Variants in ACSS2 observed in about 807,000 individuals in gnomAD.
The protein encoded by ACSS2 is acyl-CoA synthetase short chain family member 2, also known as acetyl-coenzyme A synthetase, cytoplasmic.
ACSS2 carries 58 observed loss-of-function variants against 90.6 expected under a neutral mutation model. The observed-to-expected ratio is 0.64, with a 90% CI of 0.52 to 0.80. ACSS2 has a LOEUF of 0.80. ACSS2 is among the 30% of genes least tolerant of loss of function. The pLI is 0.00. For missense variants in ACSS2, 759 were observed against 912.0 expected, an observed-to-expected ratio of 0.83 and a Z score of 2.16; for synonymous variants, 300 against 330.9, an observed-to-expected ratio of 0.91 and a Z score of 1.01.
intron 2 of ACSS2, among the ~76,000 whole-genome samples, chr20:34,891,509 T>C (rs2080335212): frequency 1.3e-5 from 2 of 152,204 alleles, no homozygotes; most frequent in Admixed American, 1.3e-4. Context: ...TTATTTTCTA[T>C]AATGATGTTG....
chr20:34,896,704 A>G (rs906019024), intron 2 of ACSS2, among the ~76,000 whole-genome samples: 2 of 152,244 alleles, frequency 1.3e-5, no homozygotes, highest in South Asian at 2.1e-4. Context: ...AGATGTCTAC[A>G]TAGGACTCTA....
chr20:34,919,184 C>T (rs1425083984), intron 7 of ACSS2, among the ~76,000 whole-genome samples: 2 of 152,112 alleles, frequency 1.3e-5, no homozygotes, highest in African/African-American at 4.8e-5. Flanking sequence ...CCAAGGGTTC[C>T]TCCTCAGCCT....
rs1412431248 is a variant in ACSS2 at position 34,920,553 on chromosome 20, A to G, written c.987A>G (p.Thr329=). 2 of 1,614,016 alleles carry G rather than the reference A, an allele frequency of 1.2e-6. No individual in the cohort carries two copies. The highest frequency in any genetic ancestry group is 2.7e-5 in the African/African-American group (2 of 75,068). The stretch of plus-strand genomic sequence containing the variant: ...TCTTCCCACAGGGTGTGGTTCACAC[A>G]GTTGGGGGCTACATGCTCTATGTAG... The part of the protein sequence containing the change: ...STGKPKGVVH[T]VGGYMLYVAT... The change falls in exon 9 of 18, where the codon ACA becomes ACG. Residue 329 remains threonine (T), a synonymous_variant. Coordinates refer to ENST00000360596, the MANE Select transcript of ACSS2 (RefSeq NM_018677.4).
chr20:34,883,869 A>G (rs778135329), intron 2 of ACSS2, among the ~76,000 whole-genome samples: 1 of 152,216 alleles, frequency 6.6e-6, no homozygotes, highest in Admixed American at 6.5e-5. Context: ...TAGAAATTCC[A>G]ATAATTGGGG....
chr20:34,876,688 CG>C lies in ACSS2; in HGVS notation c.47del (p.Gly16AlafsTer71). ...EERVRSGSGSRGQEEAGAGGR... is the reference protein window; with the variant it reads ...EERVRSGSGSXGQEEAGAGGR... ...GCGGGTCCGGAGCGGCAGCGGGAGC[CG>C]GGGCCAGGAGGAAGCTGGAGCCGGA... On this transcript the variant is annotated frameshift_variant, in exon 1 of 18. Transcript: ENST00000360596. LOFTEE classifies it high-confidence loss of function. 3 of 1,421,640 alleles carry C rather than the reference CG, an allele frequency of 2.1e-6. No homozygotes were observed. The highest frequency in any genetic ancestry group is 2.5e-4 in the Middle Eastern group (1 of 3,962). The allele number at this position is 1,421,640 out of a possible 1,614,324, so 88.1% of individuals were successfully genotyped here. A position where few individuals can be genotyped will look rare whatever the true frequency, so the allele number is the denominator to read the frequency against.
chr20:34,882,666 A>T, intron 1 of ACSS2, 128 bp from the exon 2 acceptor site: 1 of 769,332 alleles, frequency 1.3e-6, no homozygotes, highest in East Asian at 2.8e-5. Context: ...CAGGTAAAGA[A>T]GGGACCCAGG....
chr20:34,903,008 C>G (rs984461662), intron 2 of ACSS2, among the ~76,000 whole-genome samples: 17 of 150,504 alleles, frequency 1.1e-4, no homozygotes, highest in Non-Finnish European at 2.1e-4. Context: ...GCTGGGATTA[C>G]AGGCATGAGC....
At chr20:34,909,336 C>T (rs761722796) in intron 2 of ACSS2, among the ~76,000 whole-genome samples, 2 of 151,974 alleles carry the variant, frequency 1.3e-5, no homozygotes, top group Non-Finnish European at 2.9e-5. Flanking sequence ...CCACTGCACC[C>T]CAGCCTGAGT....
chr20:34,886,902 T>A (rs2080208233), intron 2 of ACSS2, among the ~76,000 whole-genome samples: 2 of 152,226 alleles, frequency 1.3e-5, no homozygotes, highest in Admixed American at 1.3e-4. Context: ...ACAGCTATGG[T>A]GGCATTAACA....
chr20:34,922,101 A>C, intron 13 of ACSS2: 7 of 998,136 alleles, frequency 7.0e-6, no homozygotes, highest in Non-Finnish European at 9.1e-6. Flanking sequence ...CAGATTCCTG[A>C]TGGTACCTTT....
chr20:34,912,318 C>G (rs909803417), intron 2 of ACSS2: 1 of 152,264 alleles, frequency 6.6e-6, no homozygotes, highest in African/African-American at 2.4e-5. Context: ...TGGAAACTCA[C>G]TCTGTCATCC....
In ACSS2 at chr20:34,884,359, G is replaced by A. The variant is rs2080138405; in HGVS notation, c.374+1370G>A. Reference sequence around the variant, plus strand: ...CTTTGCCCAGTTTGTGTGATATATTGAGAAGAGCCTTAACCTGAGAGACAA... The same window carrying A: ...CTTTGCCCAGTTTGTGTGATATATTAAGAAGAGCCTTAACCTGAGAGACAA... On this transcript the variant is annotated intron_variant, in intron 2 of 17. Transcript: ENST00000360596. 1.3e-5 allele frequency among the ~76,000 whole-genome samples: 2 copies of A among 152,202 alleles called. 1 individual carries two copies. Among genetic ancestry groups the A allele is most frequent in the South Asian group, 4.1e-4 (2 of 4,832 alleles).
chr20:34,898,605 G>T (rs2080530862), intron 2 of ACSS2, among the ~76,000 whole-genome samples: 3 of 152,214 alleles, frequency 2.0e-5, no homozygotes, highest in Non-Finnish European at 2.9e-5. Context: ...AGAGTAGCTA[G>T]ATACAGAGTG....
intron 1 of ACSS2, among the ~76,000 whole-genome samples, chr20:34,878,212 T>G (rs2146955362): frequency 6.6e-6 from 1 of 152,284 alleles, no homozygotes; most frequent in East Asian, 1.9e-4. Context: ...TGTGATTACA[T>G]GTGCATGAGC....
At chr20:34,876,490 C>T (rs1341506923), upstream of ACSS2, 6 of 824,872 alleles carry the variant, frequency 7.3e-6, no homozygotes, top group Non-Finnish European at 9.9e-6. Context: ...CACGGCCCCG[C>T]CCCCTCTGGC....
At chr20:34,898,499 G>A (rs1568975833) in intron 2 of ACSS2, among the ~76,000 whole-genome samples, 1 of 151,836 alleles carries the variant, frequency 6.6e-6, no homozygotes, top group African/African-American at 2.4e-5. Flanking sequence ...ACAGGGTGCT[G>A]ATTGGTGTGT....
chr20:34,889,690 T>C (rs1190888885), intron 2 of ACSS2, among the ~76,000 whole-genome samples: 2 of 152,208 alleles, frequency 1.3e-5, no homozygotes, highest in African/African-American at 4.8e-5. Context: ...ATTGTAGAAA[T>C]CCAGGTGATA....
At position 34,876,675 on chromosome 20, in the gene ACSS2, C is replaced by G. The variant is rs1388854975; in HGVS notation, c.30C>G (p.Ser10Arg). Residue 10 changes from serine (S) to arginine (R), a missense_variant, in exon 1 of 18, where the codon AGC becomes AGG. Coordinates refer to ENST00000360596, the MANE Select transcript of ACSS2 (RefSeq NM_018677.4). The part of the protein sequence containing the change: MGLPEERVR[S>R]GSGSRGQEEA... ...GGCTTCCTGAGGAGCGGGTCCGGAG[C>G]GGCAGCGGGAGCCGGGGCCAGGAGG... 32 of 1,409,646 alleles carry G rather than the reference C, an allele frequency of 2.3e-5. No homozygotes were observed. Among genetic ancestry groups the G allele is most frequent in the Non-Finnish European group, 2.8e-5 (30 of 1,074,686 alleles). The allele number at this position is 1,409,646 out of a possible 1,614,324, so 87.3% of individuals were successfully genotyped here.
chr20:34,896,521 A>T (rs147194362), intron 2 of ACSS2, among the ~76,000 whole-genome samples: 1 of 152,348 alleles, frequency 6.6e-6, no homozygotes, highest in African/African-American at 2.4e-5. Context: ...CCAGCTGGTC[A>T]TATAAGCAGA....
Sources: gnomAD v4.1 joint callset for allele counts (sites outside exome capture counted in the v4.1 genomes callset) on GRCh38, gnomAD v4.1.1 for gene constraint, MANE v1.5 for transcripts, NCBI Gene and HGNC (gene_info 2026-07-23, HGNC 2026-07-21) for gene names.